The following CHFR variants were observed in gnomAD, a reference collection of about 807,000 sequenced individuals.
CHFR encodes the protein checkpoint with forkhead and ring finger domains.
A neutral mutation model predicts 87.6 loss-of-function variants in CHFR; 57 were observed. The ratio of observed to expected loss-of-function variants is 0.65; its 90% CI spans 0.53 to 0.81. The LOEUF (loss-of-function observed/expected upper bound fraction) is 0.81. Among genes scored for constraint, CHFR ranks in the 30% least tolerant of loss-of-function variants. The pLI is 0.00. For synonymous variants in CHFR, 381 were observed against 359.2 expected, an observed-to-expected ratio of 1.06 and a Z score of -0.69; for missense variants, 797 against 865.8, an observed-to-expected ratio of 0.92 and a Z score of 1.00.
At position 132,844,149 on chromosome 12, in the gene CHFR, GC is replaced by G; in HGVS notation, c.1736-16del. ...GACTCTGTAATCTGGAAGAAACACA[GC>G]CAGTTACCCAGCAACACCATCTTCC... On this transcript the variant is annotated splice_polypyrimidine_tract_variant and intron_variant, in intron 15 of 17. Coordinates refer to ENST00000450056, the MANE Select transcript of CHFR (RefSeq NM_001161346.2). The G allele has an allele frequency of 6.4e-7, 1 of 1,553,522 alleles. No individual in the cohort carries two copies. Among genetic ancestry groups the G allele is most frequent in the Non-Finnish European group, 8.8e-7 (1 of 1,130,168 alleles).
chr12:132,847,969 C>T (rs1950862647), intron 14 of CHFR, 116 bp downstream of exon 14: 4 of 1,547,498 alleles, frequency 2.6e-6, no homozygotes, highest in South Asian at 1.2e-5. Flanking sequence ...TCCCGGCTCC[C>T]CAACCCGCAG....
intron 4 of CHFR, 81 bp from the exon 5 acceptor site, chr12:132,870,864 C>G (rs1011046824): frequency 2.5e-6 from 2 of 814,202 alleles, no homozygotes; most frequent in Admixed American, 4.1e-5. Context: ...GTTCTCCAGT[C>G]CATTTGTTTT....
rs549150480 is a variant in CHFR, at chr12:132,877,769, A to T, written c.134-115T>A. 566 of 340,602 alleles carry T rather than the reference A, an allele frequency of 1.7e-3. 2 individuals are homozygous for T. Among genetic ancestry groups the T allele is most frequent in the African/African-American group, 0.015 (519 of 34,646 alleles). 21.1% of individuals were successfully genotyped at this position (340,602 alleles called of 1,614,324 possible). On this transcript the variant is annotated intron_variant, in intron 2 of 17. Transcript: ENST00000450056. ...CTCAGGATCCCCATTGTACATATGT[A>T]AAAAAAAACACTTGACCAAGAAAGA...
At chr12:132,852,507 C>T (rs961906379) in intron 11 of CHFR, among the ~76,000 whole-genome samples, 1 of 147,594 alleles carries the variant, frequency 6.8e-6, no homozygotes. Flanking sequence ...GCCACCCACA[C>T]AGGAAAGACC....
intron 2 of CHFR, 55 bp downstream of exon 2, chr12:132,887,141 G>C: frequency 1.4e-6 from 2 of 1,398,786 alleles, no homozygotes; most frequent in Non-Finnish European, 1.9e-6. Context: ...TGGCCTGCCC[G>C]CAACCCGGTG....
At chr12:132,860,086 G>GCAGT (rs1293346962) in intron 7 of CHFR, among the ~76,000 whole-genome samples, 1 of 152,030 alleles carries the variant, frequency 6.6e-6, no homozygotes, top group African/African-American at 2.4e-5. Context: ...GAAAACAAAG[G>GCAGT]CAGTCACCCT....
chr12:132,848,725 C>T lies in CHFR; in HGVS notation c.1493-1G>A. The T allele has an allele frequency of 6.3e-7, 1 of 1,579,276 alleles. No homozygotes were observed. Among genetic ancestry groups the T allele is most frequent in the Non-Finnish European group, 8.6e-7 (1 of 1,162,354 alleles). ...CAGAAAGGCTGCAGGCAGACCGCACCTGTGGAGAGAGGACACTCGTTACAC... is the reference window on the plus strand; with the variant it reads ...CAGAAAGGCTGCAGGCAGACCGCACTTGTGGAGAGAGGACACTCGTTACAC... On this transcript the variant is annotated splice_acceptor_variant, in intron 12 of 17. Coordinates refer to ENST00000450056, the MANE Select transcript of CHFR (RefSeq NM_001161346.2). LOFTEE classifies it high-confidence loss of function.
At chr12:132,868,265 C>T (rs559662191) in intron 6 of CHFR, among the ~76,000 whole-genome samples, 1 of 152,270 alleles carries the variant, frequency 6.6e-6, no homozygotes, top group South Asian at 2.1e-4. Flanking sequence ...GCCGATCGGA[C>T]AGATCACGAG....
At chr12:132,861,687 AC>A in intron 6 of CHFR, 53 bp from the exon 7 acceptor site, 9 of 1,563,238 alleles carry the variant, frequency 5.8e-6, no homozygotes, top group Non-Finnish European at 7.9e-6. Flanking sequence ...TCAGGAGAGA[AC>A]CATGCCTGTA....
chr12:132,869,446 C>T (rs2042979686), intron 6 of CHFR, among the ~76,000 whole-genome samples, 173 bp downstream of exon 6: 1 of 152,140 alleles, frequency 6.6e-6, no homozygotes. Flanking sequence ...ATCTTCACTT[C>T]TCTTGGGAAG....
chr12:132,861,310 T>C (rs1951204663), intron 7 of CHFR, among the ~76,000 whole-genome samples, 157 bp downstream of exon 7: 1 of 152,210 alleles, frequency 6.6e-6, no homozygotes, highest in East Asian at 1.9e-4. Context: ...CCAGGTTTTC[T>C]GAATGAAAAT....
At chr12:132,871,770 C>T (rs1171450636) in intron 4 of CHFR, 1 of 150,810 alleles carries the variant, frequency 6.6e-6, no homozygotes, top group Admixed American at 6.6e-5. Flanking sequence ...GAAACTCTAT[C>T]TCAAAAAAAA....
intron 6 of CHFR, among the ~76,000 whole-genome samples, chr12:132,863,649 G>C (rs1042169320): frequency 6.6e-6 from 1 of 152,188 alleles, no homozygotes; most frequent in Non-Finnish European, 1.5e-5. Context: ...GTGTGATAAC[G>C]GGAAGGATAC....
At chr12:132,842,459 G>A (rs574380779) in intron 17 of CHFR, among the ~76,000 whole-genome samples, 1 of 152,276 alleles carries the variant, frequency 6.6e-6, no homozygotes, top group African/African-American at 2.4e-5. Flanking sequence ...ACAACATCTC[G>A]TCCTGAGGGC....
chr12:132,857,636 C>G, intron 8 of CHFR, 77 bp from the exon 9 acceptor site: 2 of 1,455,642 alleles, frequency 1.4e-6, no homozygotes, highest in Non-Finnish European at 1.9e-6. Flanking sequence ...CCGCAGCAGC[C>G]CCACCACGGA....
intron 5 of CHFR, among the ~76,000 whole-genome samples, chr12:132,870,105 C>G (rs1036120468): frequency 4.6e-5 from 7 of 152,028 alleles, no homozygotes; most frequent in Non-Finnish European, 7.4e-5. Context: ...GTAATCCCAG[C>G]ACTTTGGGAG....
chr12:132,869,654 G>T lies in CHFR; in HGVS notation c.548C>A (p.Pro183His). 2 of 1,551,672 alleles carry T rather than the reference G, an allele frequency of 1.3e-6. No individual in the cohort carries two copies. Among genetic ancestry groups the T allele is most frequent in the Non-Finnish European group, 1.7e-6 (2 of 1,146,998 alleles). Residue 183 changes from proline (P) to histidine (H), a missense_variant, in exon 6 of 18, where the codon CCT (proline) becomes CAT (histidine). Pro to His is a moderately conservative substitution (Grantham distance 77). Coordinates refer to ENST00000450056, the MANE Select transcript of CHFR (RefSeq NM_001161346.2). ...GGAACGCTCTCGCCCTGCAGGAGAA[G>T]GCTCCGTGGAAGAGGCCGAGGCTGT... ...FPTASASSTE[P>H]SPAGRERSSS...
intron 3 of CHFR, among the ~76,000 whole-genome samples, chr12:132,873,394 C>G (rs1309490117): frequency 6.6e-6 from 1 of 152,230 alleles, no homozygotes; most frequent in Non-Finnish European, 1.5e-5. Context: ...CTGTGTGTGT[C>G]TGAGTTCTGC....
rs368405665 is a variant in CHFR, at chr12:132,857,521, T to G, written c.950A>C (p.Tyr317Ser). Reference protein sequence around the residue: ...PCMHTFCAACYSGWMERSSLC... With the variant: ...PCMHTFCAACSSGWMERSSLC... ...GGACGAGCGCTCCATCCAGCCCGAGTAGCAAGCCGCGCAGAACGTGTGCAT... is the reference window on the plus strand; with the variant it reads ...GGACGAGCGCTCCATCCAGCCCGAGGAGCAAGCCGCGCAGAACGTGTGCAT... Residue 317 changes from tyrosine (Y) to serine (S), a missense_variant, in exon 9 of 18, where the codon TAC (tyrosine) becomes TCC (serine). Tyr to Ser is a moderately radical substitution (Grantham distance 144). Transcript: ENST00000450056. The G allele has an allele frequency of 6.2e-7, 1 of 1,613,932 alleles. No individual in the cohort carries two copies. Among genetic ancestry groups the G allele is most frequent in the African/African-American group, 1.3e-5 (1 of 74,858 alleles).
Sources: allele counts gnomAD v4.1 joint callset (sites outside exome capture counted in the v4.1 genomes callset), GRCh38; gene constraint gnomAD v4.1.1; transcripts MANE v1.5; gene names NCBI Gene and HGNC (gene_info 2026-07-23, HGNC 2026-07-21).